Variants in CDC37L1 observed in about 807,000 individuals in gnomAD.
CDC37L1 encodes hsp90 co-chaperone Cdc37-like 1.
Under a neutral mutation model 45.9 loss-of-function variants are expected in CDC37L1, and 32 were observed. The observed-to-expected ratio is 0.70, with a 90% confidence interval of 0.53 to 0.94. The LOEUF is 0.94. Among genes scored for constraint, CDC37L1 ranks in the 40% least tolerant of loss-of-function variants. CDC37L1 has a pLI of 0.00. For synonymous variants in CDC37L1, 150 were observed against 133.0 expected (o/e 1.13, Z -0.88); for missense variants, 434 against 405.7 (o/e 1.07, Z -0.60).
At chr9:4,697,069 C>G (rs1841354239) in intron 3 of CDC37L1, 27 bp from the exon 4 acceptor site, 1 of 952,974 alleles carries the variant, frequency 1.0e-6, no homozygotes, top group Admixed American at 2.0e-5. Flanking sequence ...ATATTTGACA[C>G]TTATGGTTCA....
chr9:4,691,931 G>C (rs1185565339), intron 3 of CDC37L1, among the ~76,000 whole-genome samples: 1 of 152,122 alleles, frequency 6.6e-6, no homozygotes, highest in Non-Finnish European at 1.5e-5. Flanking sequence ...TTATATGCAT[G>C]TTTGACATCA....
intron 3 of CDC37L1, among the ~76,000 whole-genome samples, chr9:4,693,248 C>T (rs1841317276): frequency 6.6e-6 from 1 of 151,242 alleles, no homozygotes; most frequent in Non-Finnish European, 1.5e-5. Context: ...TCAAGACCAG[C>T]CTGGGCAACA....
rs535654753 is a variant in CDC37L1, at chr9:4,680,038, C to G, written c.132+139C>G. ...CAGGGGCCGGGGACCTGGGACCTGACGCCTGATGCCATCCCACCCCTTTTA... is the reference window on the plus strand; with the variant it reads ...CAGGGGCCGGGGACCTGGGACCTGAGGCCTGATGCCATCCCACCCCTTTTA... On this transcript the variant is annotated intron_variant, in intron 1 of 6. Transcript: ENST00000381854. The G allele has an allele frequency of 2.7e-6, 3 of 1,092,472 alleles. No individual in the cohort carries two copies. The East Asian group carries it at 8.2e-5, about 30-fold the overall frequency. The allele number at this position is 1,092,472 out of a possible 1,614,324, so 67.7% of individuals were successfully genotyped here. A position where few individuals can be genotyped will look rare whatever the true frequency, so the allele number is the denominator to read the frequency against.
chr9:4,697,981 G>C, intron 5 of CDC37L1, 102 bp downstream of exon 5: 1 of 1,033,038 alleles, frequency 9.7e-7, no homozygotes, highest in Non-Finnish European at 1.4e-6. Context: ...GGATGCCACA[G>C]GCTAAATTCT....
At chr9:4,687,701 AG>A (rs377603395) in intron 2 of CDC37L1, among the ~76,000 whole-genome samples, 15,213 of 137,070 alleles carry the variant, frequency 0.11, 856 homozygotes, top group Non-Finnish European at 0.14. Flanking sequence ...AAAAAAAAAA[AG>A]ACACGCAACA....
At chr9:4,685,470 T>C (rs1311793109) in intron 2 of CDC37L1, 18 of 242,188 alleles carry the variant, frequency 7.4e-5, no homozygotes, top group South Asian at 6.5e-4. Context: ...ATATCAGTTA[T>C]GAAATATTTT....
In CDC37L1 at chr9:4,698,390, T is replaced by C. The variant is rs189768586; in HGVS notation, c.747+511T>C. The stretch of plus-strand genomic sequence containing the variant: ...CTTTAAAATTATATTTATGGAACTT[T>C]TGTAATGAGCTGAAGAAATGCTTAC... On this transcript the variant is annotated intron_variant, in intron 5 of 6. Transcript: ENST00000381854. Among the ~76,000 whole-genome samples the C allele has an allele frequency of 7.3e-5, 11 of 150,726 alleles. No homozygotes were observed. In the East Asian group the frequency reaches 1.2e-3, roughly 16 times the overall value.
At chr9:4,703,841 AT>A (rs1841420728) in intron 6 of CDC37L1, among the ~76,000 whole-genome samples, 1 of 152,196 alleles carries the variant, frequency 6.6e-6, no homozygotes, top group African/African-American at 2.4e-5. Flanking sequence ...GGGGACTAGA[AT>A]TATACAATTC....
chr9:4,701,849 T>G lies in CDC37L1; in HGVS notation c.748-15T>G. On this transcript the variant is annotated splice_polypyrimidine_tract_variant and intron_variant, in intron 5 of 6. Transcript: ENST00000381854. ...TGAAGAACACAGTCTTTGTTTTTTT[T>G]TTTGTTTTTTCTAGGCAGAGGAAGA... The G allele has an allele frequency of 6.3e-7, 1 of 1,576,480 alleles. No homozygotes were observed. The highest frequency in any genetic ancestry group is 1.9e-5 in the Admixed American group (1 of 53,134).
At chr9:4,689,045 G>A (rs959134002) in intron 3 of CDC37L1, among the ~76,000 whole-genome samples, 3 of 152,034 alleles carry the variant, frequency 2.0e-5, no homozygotes, top group African/African-American at 4.8e-5. Context: ...TATAGTAATA[G>A]AAATGTATAT....
At chr9:4,694,269 A>G (rs1400704028) in intron 3 of CDC37L1, among the ~76,000 whole-genome samples, 1 of 152,124 alleles carries the variant, frequency 6.6e-6, no homozygotes, top group Non-Finnish European at 1.5e-5. Flanking sequence ...GTGTGGAGAC[A>G]CGGTCTCATT....
Position 4,706,284 on chromosome 9 carries a change from T to G in CDC37L1, c.*172T>G, listed in dbSNP as rs900350219. On this transcript the variant is annotated 3_prime_UTR_variant, in exon 7 of 7. Coordinates refer to ENST00000381854, the MANE Select transcript of CDC37L1 (RefSeq NM_017913.4). The stretch of plus-strand genomic sequence containing the variant: ...TTTTTTAATGTGCTGCTAGGTTTTT[T>G]GTTTTGTTTTGTTCTGAAGAGAAGA... 3 of 428,128 alleles carry G rather than the reference T, an allele frequency of 7.0e-6. No individual in the cohort carries two copies. The highest frequency in any genetic ancestry group is 1.3e-5 in the Non-Finnish European group (3 of 232,852). The allele number at this position is 428,128 out of a possible 1,614,324, so 26.5% of individuals were successfully genotyped here.
intron 1 of CDC37L1, among the ~76,000 whole-genome samples, chr9:4,682,346 A>G (rs1403888826): frequency 4.2e-5 from 2 of 48,096 alleles, no homozygotes; most frequent in Non-Finnish European, 6.9e-5. Context: ...TTTTTTTTTG[A>G]GATGGAGTCT....
At chr9:4,701,223 G>A (rs963164208) in intron 5 of CDC37L1, among the ~76,000 whole-genome samples, 3 of 152,150 alleles carry the variant, frequency 2.0e-5, no homozygotes, top group Admixed American at 6.5e-5. Flanking sequence ...CATAAACAGA[G>A]GCAGCTGCCA....
intron 5 of CDC37L1, 55 bp downstream of exon 5, chr9:4,697,934 C>T (rs1841362752): frequency 1.3e-6 from 2 of 1,556,904 alleles, no homozygotes; most frequent in Non-Finnish European, 1.8e-6. Flanking sequence ...GCTGAGACCT[C>T]TTTGTTCTGT....
In CDC37L1 at chr9:4,707,927, A is replaced by G. The variant is rs1841460474; in HGVS notation, c.*1815A>G. The stretch of plus-strand genomic sequence containing the variant: ...ATTTTGCCTTCTCTAAGTTAGAGGT[A>G]TTTAATGACTGAAGACTGGCAGGAG... On this transcript the variant is annotated 3_prime_UTR_variant, in exon 7 of 7. Coordinates refer to ENST00000381854, the MANE Select transcript of CDC37L1 (RefSeq NM_017913.4). 1 of 152,234 alleles carries G rather than the reference A, an allele frequency of 6.6e-6. No individual in the cohort carries two copies. The highest frequency in any genetic ancestry group is 1.5e-5 in the Non-Finnish European group (1 of 68,038). The allele number at this position is 152,234 out of a possible 1,614,324, so 9.4% of individuals were successfully genotyped here. A position where few individuals can be genotyped will look rare whatever the true frequency, so the allele number is the denominator to read the frequency against.
chr9:4,684,505 G>A (rs777242748), intron 1 of CDC37L1, among the ~76,000 whole-genome samples: 1 of 152,152 alleles, frequency 6.6e-6, no homozygotes, highest in Non-Finnish European at 1.5e-5. Context: ...TAAAGGCCTG[G>A]TTGTCAGCAT....
At chr9:4,701,818 A>C (rs764008994) in intron 5 of CDC37L1, 46 bp from the exon 6 acceptor site, 20 of 1,438,144 alleles carry the variant, frequency 1.4e-5, no homozygotes, top group Non-Finnish European at 1.8e-5. Context: ...CTATGTCTAG[A>C]AATCTTGAAG....
At chr9:4,693,852 G>A (rs1425717720) in intron 3 of CDC37L1, among the ~76,000 whole-genome samples, 1 of 152,062 alleles carries the variant, frequency 6.6e-6, no homozygotes. Flanking sequence ...CCTGAGTTAG[G>A]TACTATTTTT....
Sources: gnomAD v4.1 joint callset for allele counts (sites outside exome capture counted in the v4.1 genomes callset) on GRCh38, gnomAD v4.1.1 for gene constraint, MANE v1.5 for transcripts, NCBI Gene and HGNC (gene_info 2026-07-23, HGNC 2026-07-21) for gene names.